Variants in INTS3 observed in about 807,000 individuals in gnomAD.
The protein encoded by INTS3 is integrator complex subunit 3.
A neutral mutation model predicts 146.3 loss-of-function variants in INTS3; 34 were observed. The observed-to-expected ratio is 0.23, with a 90% CI of 0.18 to 0.31. INTS3 has a LOEUF of 0.31. INTS3 is among the 10% of genes least tolerant of loss of function. INTS3 has a pLI of 1.00. For missense variants in INTS3, 757 were observed against 1,304.2 expected (o/e 0.58, Z 6.46); for synonymous variants, 475 against 494.9 (o/e 0.96, Z 0.53).
intron 1 of INTS3, among the ~76,000 whole-genome samples, chr1:153,734,586 C>T (rs981059729): frequency 2.0e-5 from 3 of 152,180 alleles, no homozygotes; most frequent in African/African-American, 4.8e-5. Context: ...TGACTCAGGC[C>T]TCTGAGCAGA....
intron 14 of INTS3, among the ~76,000 whole-genome samples, chr1:153,762,078 C>G (rs1672403754): frequency 6.6e-6 from 1 of 152,228 alleles, no homozygotes; most frequent in African/African-American, 2.4e-5. Context: ...ACTGCCATCT[C>G]CTTACCACAC....
rs1327585150 is a variant in INTS3, at chr1:153,772,570, C to T, written c.2822-69C>T. 9 of 1,611,696 alleles carry T rather than the reference C, an allele frequency of 5.6e-6. No homozygotes were observed. Among genetic ancestry groups the T allele is most frequent in the African/African-American group, 4.0e-5 (3 of 74,846 alleles). ...CACACTCGGGATAAAACAACCTGTG[C>T]GTGCTGTTTAATAAGCTCCCAGACA... On this transcript the variant is annotated intron_variant, in intron 27 of 29. Coordinates refer to ENST00000318967, the MANE Select transcript of INTS3 (RefSeq NM_023015.5). This position sits in a 1 kb window ranked among gnomAD's most constrained non-coding sequence, Gnocchi z 4.6.
chr1:153,761,214 G>C, intron 13 of INTS3: 2 of 610,134 alleles, frequency 3.3e-6, no homozygotes, highest in Non-Finnish European at 5.2e-6. Flanking sequence ...TGTTGAGTTA[G>C]AAATGAGAAG....
intron 9 of INTS3, 122 bp downstream of exon 9, chr1:153,754,861 ATC>A (rs910014121): frequency 5.6e-6 from 4 of 711,182 alleles, no homozygotes; most frequent in Admixed American, 2.1e-5. Flanking sequence ...ATCGTACCTG[ATC>A]TACCTGGCTA....
intron 20 of INTS3, 45 bp downstream of exon 20, chr1:153,765,108 G>A (rs750925298): frequency 1.9e-6 from 3 of 1,608,660 alleles, no homozygotes; most frequent in African/African-American, 1.3e-5. Context: ...GACACATCCT[G>A]GAGAGCCTCT....
rs1673038303 is a variant in INTS3 at position 153,774,110 on chromosome 1, C to G, written c.*840C>G. 1 of 154,302 alleles carries G rather than the reference C, an allele frequency of 6.5e-6. No individual in the cohort carries two copies. Among genetic ancestry groups the G allele is most frequent in the Admixed American group, 6.6e-5 (1 of 15,240 alleles). 9.6% of individuals were successfully genotyped at this position (154,302 alleles called of 1,614,324 possible). The stretch of plus-strand genomic sequence containing the variant: ...TGCTGGAGTGTCTGCTGGCATTTGC[C>G]CCGTGCATGTATAGCTTGGTCTTGA... On this transcript the variant is annotated 3_prime_UTR_variant, in exon 30 of 30. Coordinates refer to ENST00000318967, the MANE Select transcript of INTS3 (RefSeq NM_023015.5).
chr1:153,768,661 A>G (rs76820162), intron 21 of INTS3, among the ~76,000 whole-genome samples: 1,999 of 152,324 alleles, frequency 0.013, 45 homozygotes, highest in African/African-American at 0.045. Flanking sequence ...GAAGTATCAG[A>G]GAAAACCCAC....
chr1:153,761,096 A>G, intron 13 of INTS3, 178 bp downstream of exon 13: 4 of 1,435,768 alleles, frequency 2.8e-6, no homozygotes, highest in South Asian at 1.5e-5. Flanking sequence ...CTCTCCTGCC[A>G]TCGTATTACA....
chr1:153,773,430 A>G lies in INTS3; in HGVS notation c.*160A>G. 1 of 690,318 alleles carries G rather than the reference A, an allele frequency of 1.4e-6. No homozygotes were observed. The highest frequency in any genetic ancestry group is 2.6e-6 in the Non-Finnish European group (1 of 391,214). The allele number at this position is 690,318 out of a possible 1,614,324, so 42.8% of individuals were successfully genotyped here. Reference sequence around the variant, plus strand: ...GCTTTCTCCTCTGGCTGAGTTTGAGAAGCTGCCATGCAGCCCCTAGCCCCT... The same window carrying G: ...GCTTTCTCCTCTGGCTGAGTTTGAGGAGCTGCCATGCAGCCCCTAGCCCCT... On this transcript the variant is annotated 3_prime_UTR_variant, in exon 30 of 30. Transcript: ENST00000318967.
chr1:153,764,851 T>C lies in INTS3; in HGVS notation c.1971-93T>C, dbSNP rs569854796. 5.3e-4 allele frequency: 824 copies of C among 1,557,384 alleles called. 1 individual carries two copies. The highest frequency in any genetic ancestry group is 6.9e-4 in the Non-Finnish European group (775 of 1,128,668). ...TTTCCAGGGAGGAGGACATATGCTG[T>C]GGGCACAGACAGCCCATGCCACCTG... On this transcript the variant is annotated intron_variant, in intron 19 of 29. Transcript: ENST00000318967.
At chr1:153,730,453 A>G (rs1671021648) in intron 1 of INTS3, among the ~76,000 whole-genome samples, 1 of 152,234 alleles carries the variant, frequency 6.6e-6, no homozygotes, top group African/African-American at 2.4e-5. Context: ...GAAAGTCAAT[A>G]ATGGACTGCC....
intron 10 of INTS3, among the ~76,000 whole-genome samples, chr1:153,758,977 A>G (rs1197982724): frequency 1.3e-5 from 2 of 152,052 alleles, no homozygotes; most frequent in African/African-American, 2.4e-5. Context: ...AAAGCCACGC[A>G]TGGTGGTGTG....
intron 5 of INTS3, chr1:153,748,442 C>A: frequency 1.9e-6 from 1 of 538,280 alleles, no homozygotes; most frequent in Admixed American, 3.1e-5. Context: ...CCCACTCCAA[C>A]TCACAATCTG....
At position 153,740,634 on chromosome 1, in the gene INTS3, T is replaced by G; in HGVS notation, c.151-17T>G. 6.2e-7 allele frequency: 1 copy of G among 1,606,384 alleles called. No individual in the cohort carries two copies. On this transcript the variant is annotated splice_polypyrimidine_tract_variant and intron_variant, in intron 1 of 29. Transcript: ENST00000318967. ...GGTGTTATGACACACTGTTCATTTTTTCTCACCCCTTCCCAGAGATTGGAA... is the reference window on the plus strand; with the variant it reads ...GGTGTTATGACACACTGTTCATTTTGTCTCACCCCTTCCCAGAGATTGGAA...
rs1266723782 is a variant in INTS3, at chr1:153,773,414, T to G, written c.*144T>G. Reference sequence around the variant, plus strand: ...CCCGGTGGAAGGAGGAGCTTTCTCCTCTGGCTGAGTTTGAGAAGCTGCCAT... The same window carrying G: ...CCCGGTGGAAGGAGGAGCTTTCTCCGCTGGCTGAGTTTGAGAAGCTGCCAT... On this transcript the variant is annotated 3_prime_UTR_variant, in exon 30 of 30. Coordinates refer to ENST00000318967, the MANE Select transcript of INTS3 (RefSeq NM_023015.5). The G allele has an allele frequency of 1.3e-6, 1 of 773,354 alleles. No homozygotes were observed. The highest frequency in any genetic ancestry group is 2.2e-6 in the Non-Finnish European group (1 of 458,620). 47.9% of individuals were successfully genotyped at this position (773,354 alleles called of 1,614,324 possible). A position where few individuals can be genotyped will look rare whatever the true frequency, so the allele number is the denominator to read the frequency against.
At position 153,757,782 on chromosome 1, in the gene INTS3, G is replaced by A. The variant is rs767601630; in HGVS notation, c.1149+19G>A. On this transcript the variant is annotated intron_variant, in intron 10 of 29. Transcript: ENST00000318967. The surrounding 1 kb of genome is among the most constrained non-coding windows in gnomAD (Gnocchi z 4.0). ...GTGCACGGTGAGGGCAAAAGATACT[G>A]GGTGGTGAAGGGTGCCTCTTCCATG... The A allele has an allele frequency of 3.0e-5, 48 of 1,600,494 alleles. No individual in the cohort carries two copies. The highest frequency in any genetic ancestry group is 4.1e-5 in the Non-Finnish European group (48 of 1,169,560).
rs982713296 is a variant in INTS3 at position 153,770,858 on chromosome 1, C to G, written c.2552+125C>G. 8 of 751,636 alleles carry G rather than the reference C, an allele frequency of 1.1e-5. No homozygotes were observed. In the Admixed American group the frequency reaches 1.6e-4, roughly 15 times the overall value. 46.6% of individuals were successfully genotyped at this position (751,636 alleles called of 1,614,324 possible). A position where few individuals can be genotyped will look rare whatever the true frequency, so the allele number is the denominator to read the frequency against. ...TTCCTGTCGTTAACATCTGCTTATT[C>G]TGCCCTTCCCCCAACGTGACTTACA... On this transcript the variant is annotated intron_variant, in intron 25 of 29. Transcript: ENST00000318967.
At chr1:153,753,271 G>T (rs1408810902) in intron 8 of INTS3, among the ~76,000 whole-genome samples, 1 of 152,056 alleles carries the variant, frequency 6.6e-6, no homozygotes, top group Non-Finnish European at 1.5e-5. Context: ...AGAAACTGAG[G>T]TTTGAGGCCG....
At chr1:153,745,543 T>C (rs188066973) in intron 3 of INTS3, among the ~76,000 whole-genome samples, 1 of 152,172 alleles carries the variant, frequency 6.6e-6, no homozygotes, top group Admixed American at 6.5e-5. Context: ...GCCTAGTTTC[T>C]ACTCTTTCTG....
Sources: gnomAD v4.1 joint callset for allele counts (sites outside exome capture counted in the v4.1 genomes callset) on GRCh38, gnomAD v4.1.1 for gene constraint, Gnocchi (gnomAD v3.1) non-coding constraint, MANE v1.5 for transcripts, NCBI Gene and HGNC (gene_info 2026-07-23, HGNC 2026-07-21) for gene names.